Variants in AARS1 observed in about 807,000 individuals in gnomAD.
AARS1 encodes the protein alanyl-tRNA synthetase 1.
A neutral mutation model predicts 108.9 loss-of-function variants in AARS1; 72 were observed. That is an observed-to-expected ratio of 0.66 (90% CI 0.55 to 0.80). The LOEUF (loss-of-function observed/expected upper bound fraction) is 0.80. Among genes scored for constraint, AARS1 ranks in the 30% least tolerant of loss-of-function variants. The pLI is 0.00. For synonymous variants in AARS1, 489 were observed against 465.7 expected, an observed-to-expected ratio of 1.05 and a Z score of -0.64; for missense variants, 1,193 against 1,233.2, an observed-to-expected ratio of 0.97 and a Z score of 0.49.
Position 70,268,291 on chromosome 16 carries a change from C to A in AARS1, c.1051G>T (p.Asp351Tyr). ...CCTACCAGGGACTGGACGACAACATCCACTAACGTAGCAAAGAAGCCCCTG... is the reference window on the plus strand; with the variant it reads ...CCTACCAGGGACTGGACGACAACATACACTAACGTAGCAAAGAAGCCCCTG... ...ASRGFFATLV[D>Y]VVVQSLGDAF... Residue 351 changes from aspartate (D) to tyrosine (Y), a missense_variant, in exon 8 of 21, where the codon GAT becomes TAT. By Grantham distance (160) the Asp-to-Tyr change is radical. Transcript: ENST00000261772. 6.2e-7 allele frequency: 1 copy of A among 1,614,192 alleles called. No homozygotes were observed. The highest frequency in any genetic ancestry group is 8.5e-7 in the Non-Finnish European group (1 of 1,180,022).
chr16:70,262,996 A>AAAAACC (rs1555540563), intron 11 of AARS1, among the ~76,000 whole-genome samples: 1 of 129,062 alleles, frequency 7.7e-6, no homozygotes, highest in African/African-American at 3.5e-5. Context: ...AAAAAAAAAA[A>AAAAACC]AACAACAACA....
chr16:70,257,016 G>C (rs564620021), intron 15 of AARS1, among the ~76,000 whole-genome samples: 1 of 152,122 alleles, frequency 6.6e-6, no homozygotes, highest in Non-Finnish European at 1.5e-5. Flanking sequence ...TTGGGAGGCT[G>C]AGGTGGGTGG....
At chr16:70,286,462 G>A (rs1440077062) in intron 1 of AARS1, among the ~76,000 whole-genome samples, 1 of 151,312 alleles carries the variant, frequency 6.6e-6, no homozygotes, top group Non-Finnish European at 1.5e-5. Context: ...CCAGGCTCAG[G>A]TGTTCCTCCC....
rs139720461 is a variant in AARS1 at position 70,255,823 on chromosome 16, A to G, written c.2191T>C (p.Ser731Pro). 4 of 1,613,842 alleles carry G rather than the reference A, an allele frequency of 2.5e-6. No individual in the cohort carries two copies. Among genetic ancestry groups the G allele is most frequent in the Non-Finnish European group, 3.4e-6 (4 of 1,179,878 alleles). ...EFCGGTHLRN[S>P]SHAGAFVIVT... ...ATCACAAAAGCTCCTGCATGACTCG[A>G]GTTCCGCAGGTGCCTGAATGGCAGA... Residue 731 changes from serine to proline, a missense_variant, in exon 16 of 21, where the codon TCG (serine) becomes CCG (proline). By Grantham distance (74) the Ser-to-Pro change is moderately conservative (BLOSUM62 -1). Coordinates refer to ENST00000261772, the MANE Select transcript of AARS1 (RefSeq NM_001605.3).
chr16:70,253,674 T>C, intron 19 of AARS1, 40 bp downstream of exon 19: 1 of 1,601,016 alleles, frequency 6.2e-7, no homozygotes, highest in Non-Finnish European at 8.5e-7. Context: ...ACCAGAGAGC[T>C]GATGAGCCCT....
intron 11 of AARS1, among the ~76,000 whole-genome samples, chr16:70,263,522 G>C (rs1320373909): frequency 6.6e-6 from 1 of 150,448 alleles, no homozygotes; most frequent in Non-Finnish European, 1.5e-5. Context: ...AGTGAGCCGA[G>C]AATGCGCCAC....
intron 3 of AARS1, 124 bp from the exon 4 acceptor site, chr16:70,276,755 A>T: frequency 7.9e-7 from 1 of 1,262,716 alleles, no homozygotes; most frequent in Non-Finnish European, 1.1e-6. Flanking sequence ...CAAATTCAAG[A>T]TCAGTTTATG....
At chr16:70,258,752 A>G (rs1960058512) in intron 14 of AARS1, among the ~76,000 whole-genome samples, 2 of 152,236 alleles carry the variant, frequency 1.3e-5, no homozygotes, top group East Asian at 3.9e-4. Flanking sequence ...TTTTTAGTAG[A>G]GACAGGGTTA....
Position 70,261,109 on chromosome 16 carries a change from G to C in AARS1, c.1720C>G (p.Leu574Val). The change falls in exon 13 of 21, where the codon CTA becomes GTA. Residue 574 changes from leucine to valine, a missense_variant. Leu to Val is a conservative substitution (Grantham distance 32). Coordinates refer to ENST00000261772, the MANE Select transcript of AARS1 (RefSeq NM_001605.3). ...KNAQVRGGYV[L>V]HIGTIYGDLK... ...TCACCGTAGATGGTTCCAATGTGTA[G>C]CACATACCCTCCTCGGACCTGAGCA... 6.2e-7 allele frequency: 1 copy of C among 1,613,878 alleles called. No individual in the cohort carries two copies. The highest frequency in any genetic ancestry group is 1.7e-5 in the Admixed American group (1 of 59,996).
At chr16:70,260,445 T>C (rs530427069) in intron 13 of AARS1, among the ~76,000 whole-genome samples, 1 of 152,192 alleles carries the variant, frequency 6.6e-6, no homozygotes. Flanking sequence ...TGCCAGAGCC[T>C]ACCTCTTCAT....
chr16:70,262,996 A>AAAAC (rs1555540563), intron 11 of AARS1, among the ~76,000 whole-genome samples: 17 of 129,122 alleles, frequency 1.3e-4, no homozygotes, highest in African/African-American at 2.8e-4. Context: ...AAAAAAAAAA[A>AAAAC]AACAACAACA....
chr16:70,253,207 A>G, intron 20 of AARS1, 61 bp downstream of exon 20: 1 of 1,381,440 alleles, frequency 7.2e-7, no homozygotes, highest in Non-Finnish European at 1.0e-6. Flanking sequence ...CTGTACACAC[A>G]CAGGCCTCAG....
At chr16:70,276,416 TA>T in intron 4 of AARS1, 69 bp downstream of exon 4, 1 of 1,564,296 alleles carries the variant, frequency 6.4e-7, no homozygotes, top group Non-Finnish European at 8.8e-7. Context: ...TTCCAGGTCA[TA>T]AAACCCCACT....
At position 70,272,398 on chromosome 16, in the gene AARS1, C is replaced by T. The variant is rs577284539; in HGVS notation, c.480-426G>A. Among the ~76,000 whole-genome samples the T allele has an allele frequency of 3.4e-5, 5 of 146,922 alleles. 1 individual carries two copies. The highest frequency in any genetic ancestry group is 2.1e-4 in the Admixed American group (3 of 14,208). ...GCGCATGCCTGTAATCCCAGCTACT[C>T]GGGAGGCTGAGGCAGGAGAATCACT... On this transcript the variant is annotated intron_variant, in intron 4 of 20. Coordinates refer to ENST00000261772, the MANE Select transcript of AARS1 (RefSeq NM_001605.3).
At chr16:70,271,470 G>T (rs1334468759) in intron 5 of AARS1, among the ~76,000 whole-genome samples, 4 of 151,504 alleles carry the variant, frequency 2.6e-5, no homozygotes, top group African/African-American at 9.7e-5. Flanking sequence ...AGATGTTGCA[G>T]TAAGCCAAGA....
At chr16:70,255,897 T>A in intron 15 of AARS1, 61 bp from the exon 16 acceptor site, 1 of 1,480,672 alleles carries the variant, frequency 6.8e-7, no homozygotes, top group South Asian at 1.2e-5. Flanking sequence ...GGCTGGGGGG[T>A]CACACTAGCG....
chr16:70,281,742 C>T (rs1960700623), intron 2 of AARS1, among the ~76,000 whole-genome samples: 2 of 152,116 alleles, frequency 1.3e-5, no homozygotes, highest in South Asian at 4.1e-4. Flanking sequence ...GTCCTAGCTA[C>T]TTGGAAGGCT....
intron 20 of AARS1, 28 bp downstream of exon 20, chr16:70,253,240 C>T: frequency 6.4e-7 from 1 of 1,560,162 alleles, no homozygotes; most frequent in Non-Finnish European, 8.8e-7. Context: ...AGACCTAACA[C>T]TTCCCACTGG....
chr16:70,284,584 A>G (rs1419711693), intron 1 of AARS1, among the ~76,000 whole-genome samples: 1 of 152,054 alleles, frequency 6.6e-6, no homozygotes, highest in Non-Finnish European at 1.5e-5. Flanking sequence ...CCTGGGCGAC[A>G]GAGACCTTGT....
Sources: allele counts gnomAD v4.1 joint callset (sites outside exome capture counted in the v4.1 genomes callset), GRCh38; gene constraint gnomAD v4.1.1; transcripts MANE v1.5; gene names NCBI Gene and HGNC (gene_info 2026-07-23, HGNC 2026-07-21).